GABPA: variants seen among roughly 807,000 people sequenced by gnomAD.
The protein encoded by GABPA is GA binding protein transcription factor subunit alpha.
A neutral mutation model predicts 59.4 loss-of-function variants in GABPA; 4 were observed. The observed-to-expected ratio is 0.07, with a 90% CI of 0.03 to 0.15. GABPA has a LOEUF of 0.15. Among genes scored for constraint, GABPA ranks in the 10% least tolerant of loss-of-function variants. The pLI is 1.00. For missense variants in GABPA, 251 were observed against 543.8 expected (o/e 0.46, Z 5.36); for synonymous variants, 164 against 183.1 (o/e 0.90, Z 0.84).
Position 25,758,103 on chromosome 21 carries a change from A to G in GABPA, c.647A>G (p.Asn216Ser), listed in dbSNP as rs1020897181. 1.9e-6 allele frequency: 3 copies of G among 1,611,312 alleles called. No homozygotes were observed. The highest frequency in any genetic ancestry group is 1.1e-5 in the South Asian group (1 of 90,722). The part of the protein sequence containing the change: ...SMTDIDLTTL[N>S]ISGRELCSLN... Reference sequence around the variant, plus strand: ...ACCGATATAGACCTCACCACACTCAACATTTCGGGGAGAGAATTATGTAGT... The same window carrying G: ...ACCGATATAGACCTCACCACACTCAGCATTTCGGGGAGAGAATTATGTAGT... The change falls in exon 6 of 10, where the codon AAC becomes AGC. Residue 216 changes from asparagine to serine, a missense_variant. Physicochemically the swap from Asn to Ser is conservative, Grantham distance 46. Transcript: ENST00000400075.
chr21:25,748,984 C>A (rs2035439007), intron 3 of GABPA, 52 bp from the exon 4 acceptor site: 1 of 1,106,222 alleles, frequency 9.0e-7, no homozygotes, highest in East Asian at 2.4e-5. Flanking sequence ...AGGCAAGGGA[C>A]TTAATCTAAT....
At chr21:25,752,328 A>G in intron 5 of GABPA, 94 bp downstream of exon 5, 2 of 1,237,534 alleles carry the variant, frequency 1.6e-6, no homozygotes, top group African/African-American at 1.5e-5. Context: ...TTTTACATGT[A>G]GAGTTATTAG....
intron 6 of GABPA, among the ~76,000 whole-genome samples, chr21:25,758,702 A>G (rs71651617): frequency 6.6e-6 from 1 of 152,316 alleles, no homozygotes; most frequent in East Asian, 1.9e-4. Flanking sequence ...TTAATTGAAT[A>G]GAGTCTTAAG....
At position 25,734,985 on chromosome 21, in the gene GABPA, T is replaced by G; in HGVS notation, c.-620T>G. 6.4e-7 allele frequency: 1 copy of G among 1,557,938 alleles called. No individual in the cohort carries two copies. Among genetic ancestry groups the G allele is most frequent in the Non-Finnish European group, 8.7e-7 (1 of 1,153,174 alleles). On this transcript the variant is annotated 5_prime_UTR_variant, in exon 1 of 10. Transcript: ENST00000400075. ...GGCCGCCGTTTCAGTCGGTCGACGC[T>G]CACCGGACAGGAAGCGTCTCGGAGA...
intron 5 of GABPA, among the ~76,000 whole-genome samples, chr21:25,756,005 C>A (rs1393308145): frequency 6.6e-6 from 1 of 152,166 alleles, no homozygotes; most frequent in Non-Finnish European, 1.5e-5. Flanking sequence ...TAGATTAAAT[C>A]TTTCATCCAT....
chr21:25,739,649 G>A (rs1029110063), intron 1 of GABPA, among the ~76,000 whole-genome samples: 3 of 152,042 alleles, frequency 2.0e-5, no homozygotes, highest in East Asian at 1.9e-4. Context: ...ATAGGGTCTC[G>A]CTGTTGCCCA....
chr21:25,735,150 G>A lies in GABPA; in HGVS notation c.-455G>A. 2 of 654,960 alleles carry A rather than the reference G, an allele frequency of 3.1e-6. No individual in the cohort carries two copies. Among genetic ancestry groups the A allele is most frequent in the South Asian group, 1.7e-5 (1 of 57,730 alleles). 40.6% of individuals were successfully genotyped at this position (654,960 alleles called of 1,614,324 possible). On this transcript the variant is annotated 5_prime_UTR_variant, in exon 1 of 10. Coordinates refer to ENST00000400075, the MANE Select transcript of GABPA (RefSeq NM_002040.4). ...TTGACCCGTTCTTTTTCCCCTCCTTGAAACCTTGCTCTGTACGCATGCGCT... is the reference window on the plus strand; with the variant it reads ...TTGACCCGTTCTTTTTCCCCTCCTTAAAACCTTGCTCTGTACGCATGCGCT...
intron 4 of GABPA, among the ~76,000 whole-genome samples, chr21:25,749,387 G>A (rs914747070): frequency 1.3e-5 from 2 of 152,242 alleles, no homozygotes; most frequent in East Asian, 3.9e-4. Context: ...GGTTGCAGCT[G>A]ACTTCCTAAG....
At chr21:25,758,281 GTTGT>G (rs1360991095) in intron 6 of GABPA, 77 bp downstream of exon 6, 38 of 1,014,772 alleles carry the variant, frequency 3.7e-5, no homozygotes, top group African/African-American at 5.0e-5. Context: ...TTTCATCTTA[GTTGT>G]TTATTGATAA....
intron 5 of GABPA, among the ~76,000 whole-genome samples, chr21:25,755,278 C>G (rs930833000): frequency 6.6e-6 from 1 of 151,648 alleles, no homozygotes. Context: ...GCCAGACTGT[C>G]TCCAAAAAAT....
intron 1 of GABPA, among the ~76,000 whole-genome samples, chr21:25,740,205 A>T (rs2035184294): frequency 6.6e-6 from 1 of 152,224 alleles, no homozygotes; most frequent in Admixed American, 6.5e-5. Flanking sequence ...TATGAGATGG[A>T]GCTCAAAATA....
chr21:25,764,477 A>G, intron 8 of GABPA, 118 bp from the exon 9 acceptor site: 1 of 1,437,764 alleles, frequency 7.0e-7, no homozygotes, highest in Non-Finnish European at 9.5e-7. Context: ...GCATTTCTAG[A>G]AAAACAAAAA....
chr21:25,757,264 T>A (rs1393912667), intron 5 of GABPA, among the ~76,000 whole-genome samples: 3 of 152,196 alleles, frequency 2.0e-5, no homozygotes. Context: ...TAGGTGCGGG[T>A]GATACAGCAA....
In GABPA at chr21:25,771,638, ATTC is replaced by A. The variant is rs1019793188; in HGVS notation, c.*2409_*2411del. ...TGTGAAAGAAAATAAAATTTATGCTATTCTTTGCTTTGTTTTTATAAATGAATT... is the reference window on the plus strand; with the variant it reads ...TGTGAAAGAAAATAAAATTTATGCTATTTGCTTTGTTTTTATAAATGAATT... On this transcript the variant is annotated 3_prime_UTR_variant, in exon 10 of 10. Coordinates refer to ENST00000400075, the MANE Select transcript of GABPA (RefSeq NM_002040.4). 4.2e-4 allele frequency: 64 copies of A among 151,938 alleles called. No homozygotes were observed. Among genetic ancestry groups the A allele is most frequent in the African/African-American group, 1.4e-3 (60 of 41,384 alleles). The allele number at this position is 151,938 out of a possible 1,614,324, so 9.4% of individuals were successfully genotyped here. A position where few individuals can be genotyped will look rare whatever the true frequency, so the allele number is the denominator to read the frequency against.
At chr21:25,740,342 T>C (rs914081079) in intron 1 of GABPA, among the ~76,000 whole-genome samples, 42 of 152,234 alleles carry the variant, frequency 2.8e-4, no homozygotes, top group African/African-American at 9.9e-4. Flanking sequence ...CTTTTGTAAA[T>C]GTCGAAATAC....
In GABPA at chr21:25,755,433, A is replaced by G. The variant is rs1448718459; in HGVS notation, c.554-2577A>G. Among the ~76,000 whole-genome samples the G allele has an allele frequency of 6.9e-5, 5 of 72,662 alleles. No homozygotes were observed. In the East Asian group the frequency reaches 2.3e-3, roughly 33 times the overall value. The allele number at this position is 72,662 out of a possible 152,430, so 47.7% of individuals were successfully genotyped here. A position where few individuals can be genotyped will look rare whatever the true frequency, so the allele number is the denominator to read the frequency against. ...CCTGGGTGGCAAAGCAAGACTGTCT[A>G]AAAAAAAAAAAAAAAAAAAAGGGCA... On this transcript the variant is annotated intron_variant, in intron 5 of 9. Transcript: ENST00000400075.
At position 25,758,222 on chromosome 21, in the gene GABPA, T is replaced by C. The variant is rs375631254; in HGVS notation, c.748+18T>C. ...CCGAAAATGTATGAAATTACAGTTA[T>C]TTCTTTACATTGTAATTTAAGCTTA... is the stretch of plus-strand genomic sequence containing the variant. On this transcript the variant is annotated intron_variant, in intron 6 of 9. Coordinates refer to ENST00000400075, the MANE Select transcript of GABPA (RefSeq NM_002040.4). 4.5e-5 allele frequency: 68 copies of C among 1,507,186 alleles called. No individual in the cohort carries two copies. The African/African-American group carries it at 6.2e-4, about 14-fold the overall frequency. The allele number at this position is 1,507,186 out of a possible 1,614,324, so 93.4% of individuals were successfully genotyped here. A position where few individuals can be genotyped will look rare whatever the true frequency, so the allele number is the denominator to read the frequency against.
At chr21:25,760,739 C>T (rs1186924164) in intron 6 of GABPA, among the ~76,000 whole-genome samples, 1 of 152,180 alleles carries the variant, frequency 6.6e-6, no homozygotes, top group Non-Finnish European at 1.5e-5. Flanking sequence ...CCATATCCCC[C>T]AGGGCTTTGC....
intron 9 of GABPA, among the ~76,000 whole-genome samples, chr21:25,766,673 A>T (rs2035897543): frequency 6.6e-6 from 1 of 151,958 alleles, no homozygotes; most frequent in Non-Finnish European, 1.5e-5. Flanking sequence ...GAGTGGCTAC[A>T]ATTTAAAAGA....
Sources: allele counts gnomAD v4.1 joint callset (sites outside exome capture counted in the v4.1 genomes callset), GRCh38; gene constraint gnomAD v4.1.1; transcripts MANE v1.5; gene names NCBI Gene and HGNC (gene_info 2026-07-23, HGNC 2026-07-21).